DNAH3: variants seen among roughly 807,000 people sequenced by gnomAD.
The protein encoded by DNAH3 is dynein axonemal heavy chain 3.
DNAH3 carries 332 observed loss-of-function variants against 432.5 expected under a neutral mutation model. That is an observed-to-expected ratio of 0.77 (90% CI 0.70 to 0.84). The LOEUF (loss-of-function observed/expected upper bound fraction) is 0.84, where lower values mean the gene tolerates loss of function less well. DNAH3 is among the 40% of genes least tolerant of loss of function. The pLI is 0.00. For missense variants in DNAH3, 4,861 were observed against 5,114.0 expected (o/e 0.95, Z 1.51); for synonymous variants, 1,956 against 1,900.2 (o/e 1.03, Z -0.76).
intron 54 of DNAH3, among the ~76,000 whole-genome samples, 155 bp from the exon 55 acceptor site, chr16:20,955,212 TA>T (rs954103913): frequency 4.4e-4 from 67 of 151,352 alleles, no homozygotes; most frequent in Admixed American, 7.2e-4. Flanking sequence ...ATTGATAAAT[TA>T]AAAAAAAATA....
At chr16:21,110,887 G>T (rs1009876669) in intron 14 of DNAH3, among the ~76,000 whole-genome samples, 2 of 152,004 alleles carry the variant, frequency 1.3e-5, no homozygotes, top group African/African-American at 4.8e-5. Context: ...AAAAGAGAAA[G>T]AAAAATGATA....
At chr16:20,967,071 G>C (rs1404424606) in intron 52 of DNAH3, among the ~76,000 whole-genome samples, 1 of 152,162 alleles carries the variant, frequency 6.6e-6, no homozygotes, top group Admixed American at 6.5e-5. Flanking sequence ...GTTATACTCT[G>C]AGACATCACA....
Position 20,954,694 on chromosome 16 carries a change from A to G in DNAH3, c.11071+119T>C, listed in dbSNP as rs1343682580. The G allele has an allele frequency of 2.7e-6, 3 of 1,120,544 alleles. No individual in the cohort carries two copies. The African/African-American group carries it at 4.6e-5, about 17-fold the overall frequency. The allele number at this position is 1,120,544 out of a possible 1,614,324, so 69.4% of individuals were successfully genotyped here. On this transcript the variant is annotated intron_variant, in intron 55 of 61. Transcript: ENST00000261383. ...TCCAAATATTGCCTGGAAAATATTT[A>G]TACCGTATCTTACTGGCAACCCTAT...
chr16:20,964,780 C>G lies in DNAH3; in HGVS notation c.9104G>C (p.Gly3035Ala), dbSNP rs761202015. 3 of 1,614,104 alleles carry G rather than the reference C, an allele frequency of 1.9e-6. No individual in the cohort carries two copies. In the East Asian group the frequency reaches 6.7e-5, roughly 36 times the overall value. ...GTGGCTGAGACTGAAGTCACTGAAG[C>G]CAGGGATGACCTTGTCCTTACATTC... The change falls in exon 53 of 62, where the codon GGC becomes GCC. Residue 3035 changes from glycine to alanine, a missense_variant. Coordinates refer to ENST00000261383, the Ensembl canonical transcript of DNAH3.
intron 9 of DNAH3, among the ~76,000 whole-genome samples, chr16:21,124,778 T>G (rs573834158): frequency 6.6e-6 from 1 of 152,094 alleles, no homozygotes; most frequent in East Asian, 1.9e-4. Context: ...GCCTCCCGAG[T>G]AGTTGGGACT....
chr16:21,142,374 T>TATAC (rs1421266235), intron 3 of DNAH3, among the ~76,000 whole-genome samples: 12 of 152,088 alleles, frequency 7.9e-5, no homozygotes, highest in Admixed American at 5.2e-4. Context: ...TCTCAAAAAA[T>TATAC]ATACATACAT....
intron 51 of DNAH3, among the ~76,000 whole-genome samples, chr16:20,971,356 T>G (rs1340400610): frequency 6.6e-6 from 1 of 152,186 alleles, no homozygotes; most frequent in African/African-American, 2.4e-5. Flanking sequence ...TACTGGGCAC[T>G]ATTCCATCTT....
At chr16:21,033,629 G>A (rs60783452) in intron 36 of DNAH3, among the ~76,000 whole-genome samples, 36,284 of 151,986 alleles carry the variant, frequency 0.24, 4,538 homozygotes, top group Admixed American at 0.3. Context: ...GAGAATAGAA[G>A]CAAAGAAGCA....
exon 7 of DNAH3, chr16:21,134,368 C>T: frequency 3.1e-6 from 5 of 1,614,174 alleles, no homozygotes; most frequent in Non-Finnish European, 4.2e-6. Context: ...GGCACAGGGG[C>T]CCGGATCACT....
chr16:20,941,575 G>A, intron 58 of DNAH3, 32 bp from the exon 59 acceptor site: 1 of 1,612,332 alleles, frequency 6.2e-7, no homozygotes, highest in Admixed American at 1.7e-5. Flanking sequence ...AGGTGAGTGA[G>A]AAGCAAGCCC....
intron 7 of DNAH3, 53 bp from the exon 9 acceptor site, chr16:21,127,865 T>C: frequency 6.2e-7 from 1 of 1,607,684 alleles, no homozygotes; most frequent in Non-Finnish European, 8.5e-7. Context: ...TAATAACAAA[T>C]CCCGCAGGAC....
chr16:20,949,456 G>A (rs1452112439), intron 56 of DNAH3, among the ~76,000 whole-genome samples: 3 of 150,354 alleles, frequency 2.0e-5, no homozygotes, highest in Admixed American at 2.0e-4. Flanking sequence ...TTTTATTACT[G>A]TTGTTGTTAA....
rs2086274549 is a variant in DNAH3 at position 20,987,779 on chromosome 16, G to C, written c.6796C>G (p.Pro2266Ala). Residue 2266 changes from proline (P) to alanine (A), a missense_variant, in exon 46 of 62, where the codon CCC (proline) becomes GCC (alanine). By Grantham distance (27) the Pro-to-Ala change is conservative (BLOSUM62 -1). Transcript: ENST00000261383. Reference sequence around the variant, plus strand: ...TTAAAGACGTAATGTGACTTCGAGGGAGTTGGCAAGAAGTTCTCCACTGCA... The same window carrying C: ...TTAAAGACGTAATGTGACTTCGAGGCAGTTGGCAAGAAGTTCTCCACTGCA... 1.9e-6 allele frequency: 3 copies of C among 1,614,136 alleles called. No homozygotes were observed. Among genetic ancestry groups the C allele is most frequent in the Non-Finnish European group, 2.5e-6 (3 of 1,180,026 alleles).
chr16:20,945,191 A>C (rs1244165973), intron 57 of DNAH3, among the ~76,000 whole-genome samples: 2 of 152,216 alleles, frequency 1.3e-5, no homozygotes, highest in African/African-American at 4.8e-5. Flanking sequence ...TGGCCACGGA[A>C]GTGACCTCTA....
rs3115428 is a variant in DNAH3, at chr16:21,010,903, T to G, written c.6023-7696A>C. Among the ~76,000 whole-genome samples, 17 of 144,342 alleles carry G rather than the reference T, an allele frequency of 1.2e-4. 1 individual carries two copies. Among genetic ancestry groups the G allele is most frequent in the African/African-American group, 4.5e-4 (17 of 37,462 alleles). 94.7% of individuals were successfully genotyped at this position (144,342 alleles called of 152,430 possible). The stretch of plus-strand genomic sequence containing the variant: ...GCCAAAACCTGTTTTTTTTTTTTTG[T>G]TTTTTTTTGTTTTGTTTTGTTTTTT... On this transcript the variant is annotated intron_variant, in intron 41 of 61. Transcript: ENST00000261383.
intron 36 of DNAH3, among the ~76,000 whole-genome samples, 153 bp from the exon 37 acceptor site, chr16:21,031,439 G>C (rs1423248266): frequency 2.0e-5 from 3 of 152,132 alleles, no homozygotes; most frequent in Non-Finnish European, 4.4e-5. Flanking sequence ...TTTTTATAGA[G>C]ATTGGGATCT....
chr16:21,027,065 G>T lies in DNAH3; in HGVS notation c.5502C>A (p.Pro1834=), dbSNP rs757061347. ...CTGGAGAGGCTTGCTCGAGGTCGGCGGGCTCGAAGATCAGGCTCATCTTGG... is the reference window on the plus strand; with the variant it reads ...CTGGAGAGGCTTGCTCGAGGTCGGCTGGCTCGAAGATCAGGCTCATCTTGG... The change falls in exon 38 of 62, where the codon CCC becomes CCA. Residue 1834 remains proline (P), a synonymous_variant. Coordinates refer to ENST00000261383, the Ensembl canonical transcript of DNAH3. 3.7e-6 allele frequency: 6 copies of T among 1,613,590 alleles called. No individual in the cohort carries two copies. In the Admixed American group the frequency reaches 1.0e-4, roughly 27 times the overall value.
chr16:21,013,536 C>T (rs915392564), intron 41 of DNAH3, among the ~76,000 whole-genome samples: 3 of 152,050 alleles, frequency 2.0e-5, no homozygotes, highest in South Asian at 2.1e-4. Context: ...GCCTGACCAA[C>T]GTGGAGAAAC....
intron 1 of DNAH3, among the ~76,000 whole-genome samples, chr16:21,154,291 G>C (rs1014327453): frequency 6.6e-6 from 1 of 152,180 alleles, no homozygotes; most frequent in East Asian, 1.9e-4. Flanking sequence ...AGTAATCCCA[G>C]CTTCTTGGGT....
Sources: allele counts gnomAD v4.1 joint callset (sites outside exome capture counted in the v4.1 genomes callset), GRCh38; gene constraint gnomAD v4.1.1; transcripts MANE v1.5; gene names NCBI Gene and HGNC (gene_info 2026-07-23, HGNC 2026-07-21).